The following GRHL2 variants were observed in gnomAD, a reference collection of about 807,000 sequenced individuals.
GRHL2 encodes grainyhead-like protein 2 homolog.
Under a neutral mutation model 83.8 loss-of-function variants are expected in GRHL2, and 21 were observed. The ratio of observed to expected loss-of-function variants is 0.25; its 90% CI spans 0.18 to 0.36. The LOEUF (loss-of-function observed/expected upper bound fraction) is 0.36, where lower values mean the gene tolerates loss of function less well. Among genes scored for constraint, GRHL2 ranks in the 10% least tolerant of loss-of-function variants. The probability of loss-of-function intolerance (pLI) is 1.00; values close to 1 mark genes in which losing one functional copy is unlikely to be tolerated. For missense variants in GRHL2, 623 were observed against 781.8 expected (o/e 0.80, Z 2.42); for synonymous variants, 280 against 278.9 (o/e 1.00, Z -0.04).
intron 2 of GRHL2, chr8:101,543,650 G>T: frequency 1.7e-6 from 1 of 583,180 alleles, no homozygotes; most frequent in Non-Finnish European, 3.1e-6. Context: ...CTCATTTTGG[G>T]ATAATATTTT....
At chr8:101,583,254 G>A (rs1812093495) in intron 7 of GRHL2, among the ~76,000 whole-genome samples, 1 of 152,196 alleles carries the variant, frequency 6.6e-6, no homozygotes, top group South Asian at 2.1e-4. Flanking sequence ...GATGCAGTGA[G>A]GGATGGACTG....
At chr8:101,528,418 C>G (rs2130071598) in intron 1 of GRHL2, among the ~76,000 whole-genome samples, 1 of 151,308 alleles carries the variant, frequency 6.6e-6, no homozygotes, top group South Asian at 2.1e-4. Context: ...TTACCCCCGT[C>G]TCTTTTCAGA....
intron 15 of GRHL2, among the ~76,000 whole-genome samples, chr8:101,665,635 G>C (rs1326062467): frequency 6.6e-6 from 1 of 152,194 alleles, no homozygotes; most frequent in Admixed American, 6.5e-5. Flanking sequence ...GGTACATGCT[G>C]ATGATAACAT....
chr8:101,650,013 G>A (rs1813589075), intron 14 of GRHL2, among the ~76,000 whole-genome samples: 1 of 152,108 alleles, frequency 6.6e-6, no homozygotes, highest in African/African-American at 2.4e-5. Flanking sequence ...CATTTTGTTT[G>A]TATGTTATTC....
chr8:101,605,709 G>T (rs1011270732), intron 8 of GRHL2, among the ~76,000 whole-genome samples: 1 of 152,194 alleles, frequency 6.6e-6, no homozygotes, highest in African/African-American at 2.4e-5. Context: ...GACCGGAACT[G>T]ATGTGGGAGT....
chr8:101,496,147 C>A (rs1404798652), intron 1 of GRHL2, among the ~76,000 whole-genome samples: 82 of 113,098 alleles, frequency 7.3e-4, no homozygotes, highest in Non-Finnish European at 7.5e-4. Context: ...GACTCCATCT[C>A]AAAAAAAAAA....
At chr8:101,616,155 TCTTC>T (rs375028331) in intron 8 of GRHL2, among the ~76,000 whole-genome samples, 519 of 150,776 alleles carry the variant, frequency 3.4e-3, no homozygotes, top group African/African-American at 0.011. Context: ...CTCTCTCTCT[TCTTC>T]CTTCCTTTCT....
chr8:101,536,191 C>A (rs1174316136), intron 1 of GRHL2, among the ~76,000 whole-genome samples: 2 of 152,018 alleles, frequency 1.3e-5, no homozygotes, highest in Non-Finnish European at 2.9e-5. Flanking sequence ...AGGTTGGAAC[C>A]AGATAATGGA....
rs993964818 is a variant in GRHL2 at position 101,532,286 on chromosome 8, A to C, written c.21-10955A>C. ...AAAAGGCCAATATTCCAAAAGAAAAAAGTAGTTATCACATTTTGAACCTTT... is the reference window on the plus strand; with the variant it reads ...AAAAGGCCAATATTCCAAAAGAAAACAGTAGTTATCACATTTTGAACCTTT... On this transcript the variant is annotated intron_variant, in intron 1 of 15. Transcript: ENST00000646743. Among the ~76,000 whole-genome samples, 68 of 152,204 alleles carry C rather than the reference A, an allele frequency of 4.5e-4. 1 individual carries two copies. The highest frequency in any genetic ancestry group is 7.3e-5 in the Non-Finnish European group (5 of 68,032).
intron 7 of GRHL2, among the ~76,000 whole-genome samples, chr8:101,589,894 C>T (rs1406078613): frequency 1.3e-5 from 2 of 152,240 alleles, no homozygotes; most frequent in African/African-American, 2.4e-5. Context: ...GAGTCAAAGG[C>T]CTCTGGCATG....
chr8:101,632,851 G>A (rs961140572), intron 11 of GRHL2, among the ~76,000 whole-genome samples: 1 of 152,202 alleles, frequency 6.6e-6, no homozygotes, highest in Non-Finnish European at 1.5e-5. Flanking sequence ...AAAGAAAAAT[G>A]AGGTTGTAGG....
At chr8:101,627,152 C>T (rs749857776) in intron 9 of GRHL2, among the ~76,000 whole-genome samples, 6 of 152,170 alleles carry the variant, frequency 3.9e-5, no homozygotes, top group Middle Eastern at 3.4e-3. Flanking sequence ...AACATACAGG[C>T]TTACCTCGTT....
intron 3 of GRHL2, among the ~76,000 whole-genome samples, chr8:101,554,193 A>T (rs2130161827): frequency 6.6e-6 from 1 of 152,266 alleles, no homozygotes; most frequent in Middle Eastern, 3.4e-3. Context: ...CAGAACATGA[A>T]GGCTGCCTGC....
chr8:101,613,156 G>A (rs1405186912), intron 8 of GRHL2, among the ~76,000 whole-genome samples: 2 of 150,812 alleles, frequency 1.3e-5, no homozygotes, highest in Admixed American at 1.3e-4. Context: ...ACAGCAGGCA[G>A]CGAAGCCTCT....
At chr8:101,538,977 T>C (rs1811099151) in intron 1 of GRHL2, among the ~76,000 whole-genome samples, 1 of 152,182 alleles carries the variant, frequency 6.6e-6, no homozygotes, top group African/African-American at 2.4e-5. Flanking sequence ...ACAATTTCAT[T>C]TTAGGGGAAA....
chr8:101,658,784 T>G (rs1813852401), intron 14 of GRHL2, among the ~76,000 whole-genome samples: 1 of 152,136 alleles, frequency 6.6e-6, no homozygotes, highest in Admixed American at 6.5e-5. Flanking sequence ...CATTTTATTT[T>G]AAAAAGAAGT....
At chr8:101,501,690 G>A (rs1191219982) in intron 1 of GRHL2, among the ~76,000 whole-genome samples, 1 of 152,098 alleles carries the variant, frequency 6.6e-6, no homozygotes, top group East Asian at 1.9e-4. Flanking sequence ...GAATCCTAGA[G>A]CTAGAAAGAG....
At chr8:101,677,642 T>G in the GRHL2 span, among the ~76,000 whole-genome samples, 1 of 152,086 alleles carries the variant, frequency 6.6e-6, no homozygotes, top group Non-Finnish European at 1.5e-5. Context: ...TACCCCTGCA[T>G]TTTGAAGTAT....
intron 11 of GRHL2, among the ~76,000 whole-genome samples, chr8:101,635,130 A>C (rs1813260894): frequency 6.6e-6 from 1 of 152,182 alleles, no homozygotes; most frequent in African/African-American, 2.4e-5. Context: ...GTTTGTAAAA[A>C]AACTTTTCCC....
Sources: gnomAD v4.1 joint callset for allele counts (sites outside exome capture counted in the v4.1 genomes callset) on GRCh38, gnomAD v4.1.1 for gene constraint, MANE v1.5 for transcripts, NCBI Gene and HGNC (gene_info 2026-07-23, HGNC 2026-07-21) for gene names.